The following EHBP1 variants were observed in gnomAD, a reference collection of about 807,000 sequenced individuals.
The protein encoded by EHBP1 is EH domain-binding protein 1.
Under a neutral mutation model 144.0 loss-of-function variants are expected in EHBP1, and 55 were observed. The observed-to-expected ratio is 0.38, with a 90% CI of 0.31 to 0.48. The LOEUF is 0.48. EHBP1 is among the 20% of genes least tolerant of loss of function. The pLI is 0.98. For missense variants in EHBP1, 1,200 were observed against 1,364.2 expected, an observed-to-expected ratio of 0.88 and a Z score of 1.90; for synonymous variants, 469 against 472.7, an observed-to-expected ratio of 0.99 and a Z score of 0.10.
At chr2:62,935,198 G>A (rs1283897928) in intron 10 of EHBP1, among the ~76,000 whole-genome samples, 6 of 151,526 alleles carry the variant, frequency 4.0e-5, no homozygotes, top group South Asian at 2.1e-4. Context: ...GTGTGGTGGC[G>A]TGCACCTATA....
chr2:62,902,414 C>T (rs930237022), intron 10 of EHBP1, among the ~76,000 whole-genome samples: 1 of 152,030 alleles, frequency 6.6e-6, no homozygotes, highest in African/African-American at 2.4e-5. Context: ...CAGAATACCT[C>T]TGTAGGTCTT....
At chr2:62,911,802 G>T (rs979003859) in intron 10 of EHBP1, among the ~76,000 whole-genome samples, 46 of 152,104 alleles carry the variant, frequency 3.0e-4, no homozygotes, top group African/African-American at 1.1e-3. Flanking sequence ...TGGAGTGTTA[G>T]TGAGGATTGG....
chr2:62,803,748 A>G (rs552591490), intron 5 of EHBP1, among the ~76,000 whole-genome samples: 9 of 152,330 alleles, frequency 5.9e-5, no homozygotes, highest in African/African-American at 1.9e-4. Context: ...AGCATTGCAA[A>G]TAGTGCCTTT....
At chr2:62,936,104 G>T (rs1286380923) in intron 10 of EHBP1, among the ~76,000 whole-genome samples, 2 of 151,924 alleles carry the variant, frequency 1.3e-5, no homozygotes, top group Non-Finnish European at 2.9e-5. Context: ...TTGAGTTTTG[G>T]TGTAAAGGCC....
In EHBP1 at chr2:62,822,005, A is replaced by T. The variant is rs142063651; in HGVS notation, c.313-4082A>T. Among the ~76,000 whole-genome samples the T allele has an allele frequency of 6.6e-5, 10 of 152,234 alleles. No homozygotes were observed. In the East Asian group the frequency reaches 1.7e-3, roughly 26 times the overall value. ...CAATCCAATTCTTTCCGTTATTTTT[A>T]AATGTAAAGTTAAATTATTACTGAC... On this transcript the variant is annotated intron_variant, in intron 5 of 22. Transcript: ENST00000431489.
chr2:62,870,655 G>A (rs1266943774), intron 9 of EHBP1, among the ~76,000 whole-genome samples: 2 of 145,210 alleles, frequency 1.4e-5, no homozygotes. Flanking sequence ...GGTGGAGGTT[G>A]CAGTGAGCCC....
At chr2:62,832,461 A>T (rs2046892700) in intron 7 of EHBP1, among the ~76,000 whole-genome samples, 1 of 142,090 alleles carries the variant, frequency 7.0e-6, no homozygotes. Flanking sequence ...TTTTTTTACA[A>T]ATTGAAGATT....
intron 19 of EHBP1, among the ~76,000 whole-genome samples, chr2:62,998,676 C>G (rs2059735798): frequency 6.6e-6 from 1 of 152,080 alleles, no homozygotes; most frequent in African/African-American, 2.4e-5. Flanking sequence ...TTGAAATGGC[C>G]CCATTCCAAC....
At chr2:62,736,990 A>C (rs759733147) in intron 2 of EHBP1, among the ~76,000 whole-genome samples, 18 of 152,094 alleles carry the variant, frequency 1.2e-4, no homozygotes, top group Non-Finnish European at 2.1e-4. Context: ...GGTTTGGGGG[A>C]ACATTCTATA....
At chr2:62,854,212 G>A (rs1415602592) in intron 7 of EHBP1, among the ~76,000 whole-genome samples, 11 of 152,196 alleles carry the variant, frequency 7.2e-5, no homozygotes, top group Non-Finnish European at 1.5e-4. Context: ...TTTGGCTTAA[G>A]GGAATGCTAT....
chr2:62,990,648 T>C, intron 15 of EHBP1, 68 bp from the exon 16 acceptor site: 1 of 1,520,832 alleles, frequency 6.6e-7, no homozygotes, highest in Non-Finnish European at 9.0e-7. Context: ...TGAGCTCACA[T>C]AAAATTGACA....
In EHBP1 at chr2:62,735,621, ACTCTTC is replaced by A. The variant is rs1378611137; in HGVS notation, c.105-11771_105-11766del. Among the ~76,000 whole-genome samples the A allele has an allele frequency of 2.6e-5, 4 of 152,164 alleles. No individual in the cohort carries two copies. In the South Asian group the frequency reaches 6.2e-4, roughly 24 times the overall value. ...TACCTTCATTTATTTATCCTTTGGTACTCTTCCTTATGTAGATTCGAGTTTCTGACC... is the reference window on the plus strand; with the variant it reads ...TACCTTCATTTATTTATCCTTTGGTACTTATGTAGATTCGAGTTTCTGACC... On this transcript the variant is annotated intron_variant, in intron 2 of 22. Coordinates refer to ENST00000431489, the MANE Select transcript of EHBP1 (RefSeq NM_001142616.3).
intron 7 of EHBP1, among the ~76,000 whole-genome samples, chr2:62,858,763 T>G (rs1266283694): frequency 6.6e-6 from 1 of 152,216 alleles, no homozygotes; most frequent in Admixed American, 6.5e-5. Flanking sequence ...TCATACAACA[T>G]GCTACTTCTT....
intron 1 of EHBP1, among the ~76,000 whole-genome samples, chr2:62,674,376 A>G (rs990275681): frequency 6.6e-6 from 1 of 152,256 alleles, no homozygotes; most frequent in Non-Finnish European, 1.5e-5. Flanking sequence ...AAAAACATGC[A>G]TGAGCAGATT....
intron 10 of EHBP1, among the ~76,000 whole-genome samples, chr2:62,903,791 A>AAGG (rs1416417523): frequency 9.8e-5 from 2 of 20,450 alleles, no homozygotes; most frequent in East Asian, 1.0e-3. Flanking sequence ...GAAGGAGGAG[A>AAGG]AGGAGAAGGA....
Position 62,726,974 on chromosome 2 carries a change from T to G in EHBP1, c.104+19679T>G, listed in dbSNP as rs143052825. ...ACCTCCCAGGTTCAAGCAATTCTCC[T>G]GCCTCAGCCTCCTGAGTAGCTGGAA... On this transcript the variant is annotated intron_variant, in intron 2 of 22. Transcript: ENST00000431489. Among the ~76,000 whole-genome samples the G allele has an allele frequency of 1.3e-3, 195 of 152,264 alleles. 6 individuals are homozygous for G. The East Asian group carries it at 0.031, about 24-fold the overall frequency.
intron 7 of EHBP1, among the ~76,000 whole-genome samples, chr2:62,836,360 AC>A (rs2047254068): frequency 7.0e-6 from 1 of 143,520 alleles, no homozygotes; most frequent in Admixed American, 7.0e-5. Flanking sequence ...ATCATCAAAG[AC>A]CAAAAGTAGA....
At chr2:62,950,070 T>C (rs1159336734) in intron 13 of EHBP1, among the ~76,000 whole-genome samples, 1 of 152,084 alleles carries the variant, frequency 6.6e-6, no homozygotes, top group Non-Finnish European at 1.5e-5. Context: ...TTCCTAAAAG[T>C]TTTTCACATT....
At chr2:63,033,562 A>G (rs911766399) in intron 19 of EHBP1, among the ~76,000 whole-genome samples, 2 of 152,174 alleles carry the variant, frequency 1.3e-5, no homozygotes, top group African/African-American at 2.4e-5. Context: ...ATTGTCTAAA[A>G]TATATCTTTA....
Sources: gnomAD v4.1 joint callset for allele counts (sites outside exome capture counted in the v4.1 genomes callset) on GRCh38, gnomAD v4.1.1 for gene constraint, MANE v1.5 for transcripts, NCBI Gene and HGNC (gene_info 2026-07-23, HGNC 2026-07-21) for gene names.